Variants in GALNTL6 observed in about 807,000 individuals in gnomAD.
GALNTL6 encodes polypeptide N-acetylgalactosaminyltransferase like 6.
Under a neutral mutation model 73.7 loss-of-function variants are expected in GALNTL6, and 46 were observed. The observed-to-expected ratio is 0.62, with a 90% CI of 0.49 to 0.80. GALNTL6 has a LOEUF of 0.80. Among genes scored for constraint, GALNTL6 ranks in the 30% least tolerant of loss-of-function variants. GALNTL6 has a pLI of 0.00. For synonymous variants in GALNTL6, 259 were observed against 263.7 expected, an observed-to-expected ratio of 0.98 and a Z score of 0.17; for missense variants, 604 against 755.0, an observed-to-expected ratio of 0.80 and a Z score of 2.34.
chr4:172,346,222 TA>T (rs1260822723), intron 4 of GALNTL6, among the ~76,000 whole-genome samples: 1 of 152,222 alleles, frequency 6.6e-6, no homozygotes, highest in Non-Finnish European at 1.5e-5. Flanking sequence ...GATAGACATA[TA>T]AATTGACAGA....
chr4:172,756,791 A>G (rs924026224), intron 5 of GALNTL6, among the ~76,000 whole-genome samples: 2 of 152,220 alleles, frequency 1.3e-5, no homozygotes, highest in Non-Finnish European at 2.9e-5. Flanking sequence ...GAACTAAAAT[A>G]TAAGGTTGAC....
intron 2 of GALNTL6, among the ~76,000 whole-genome samples, chr4:171,850,644 C>T (rs1445423124): frequency 1.3e-5 from 2 of 152,100 alleles, no homozygotes; most frequent in African/African-American, 2.4e-5. Flanking sequence ...CATTTCATTA[C>T]GACAAAGAGT....
At chr4:172,790,711 T>C (rs972859720) in intron 5 of GALNTL6, among the ~76,000 whole-genome samples, 10 of 151,864 alleles carry the variant, frequency 6.6e-5, no homozygotes, top group Admixed American at 6.6e-4. Context: ...GCCAACATGG[T>C]GAAACTGCGT....
intron 2 of GALNTL6, among the ~76,000 whole-genome samples, chr4:172,193,438 A>G (rs1191432475): frequency 1.3e-5 from 2 of 152,140 alleles, no homozygotes; most frequent in Admixed American, 6.6e-5. Context: ...CTGGCAAAGA[A>G]GGGCCTTACT....
chr4:172,089,191 T>C (rs1322756871), intron 2 of GALNTL6, among the ~76,000 whole-genome samples: 1 of 152,070 alleles, frequency 6.6e-6, no homozygotes, highest in Non-Finnish European at 1.5e-5. Context: ...CTATATATGA[T>C]GCAGGCAAAC....
At chr4:172,919,593 C>T (rs979234711) in intron 8 of GALNTL6, among the ~76,000 whole-genome samples, 1 of 152,162 alleles carries the variant, frequency 6.6e-6, no homozygotes, top group Non-Finnish European at 1.5e-5. Context: ...AGGTTCTGTT[C>T]CACTACAGAA....
chr4:172,950,417 A>G (rs1004300675), intron 9 of GALNTL6, among the ~76,000 whole-genome samples: 2 of 152,204 alleles, frequency 1.3e-5, no homozygotes, highest in African/African-American at 2.4e-5. Context: ...CTGAGAAATC[A>G]GAGCTTTCTT....
chr4:172,607,608 G>T (rs1738358001), intron 5 of GALNTL6, among the ~76,000 whole-genome samples: 1 of 152,230 alleles, frequency 6.6e-6, no homozygotes, highest in African/African-American at 2.4e-5. Flanking sequence ...TCCTTTGGGT[G>T]TATAGCCAAT....
chr4:172,952,413 T>A (rs1379984042), intron 10 of GALNTL6, among the ~76,000 whole-genome samples, 155 bp downstream of exon 10: 1 of 152,200 alleles, frequency 6.6e-6, no homozygotes, highest in Non-Finnish European at 1.5e-5. Context: ...ATGTTCAACC[T>A]CTTTTTAGCA....
chr4:172,086,529 T>G (rs1471110177), intron 2 of GALNTL6, among the ~76,000 whole-genome samples: 2 of 152,112 alleles, frequency 1.3e-5, no homozygotes, highest in African/African-American at 4.8e-5. Flanking sequence ...CTATAAACTT[T>G]ATTCCTAACT....
intron 5 of GALNTL6, among the ~76,000 whole-genome samples, chr4:172,672,438 A>G (rs973471405): frequency 3.9e-5 from 6 of 152,194 alleles, no homozygotes; most frequent in Non-Finnish European, 8.8e-5. Flanking sequence ...GGATTTTTGC[A>G]TTGATGTTCA....
chr4:171,862,793 T>G (rs1735869058), intron 2 of GALNTL6, among the ~76,000 whole-genome samples: 1 of 152,136 alleles, frequency 6.6e-6, no homozygotes, highest in Non-Finnish European at 1.5e-5. Flanking sequence ...TGATCAAATA[T>G]AATAACCTAA....
rs150407701 is a variant in GALNTL6 at position 172,128,584 on chromosome 4, GAGTAA to G, written c.139-101066_139-101062del. The stretch of plus-strand genomic sequence containing the variant: ...AATGAAGGTTGTGGACCATAATTTT[GAGTAA>G]AGTAATTTGGTTTAAAACAATTATT... On this transcript the variant is annotated intron_variant, in intron 2 of 12. Transcript: ENST00000506823. Among the ~76,000 whole-genome samples, 1,323 of 152,252 alleles carry G rather than the reference GAGTAA, an allele frequency of 8.7e-3. 21 individuals are homozygous for G. The highest frequency in any genetic ancestry group is 0.03 in the African/African-American group (1,252 of 41,544).
intron 2 of GALNTL6, among the ~76,000 whole-genome samples, chr4:171,826,343 A>G (rs1286457599): frequency 6.6e-6 from 1 of 152,150 alleles, no homozygotes; most frequent in Non-Finnish European, 1.5e-5. Flanking sequence ...TCCTGTTACT[A>G]TGGAAAAACA....
intron 7 of GALNTL6, among the ~76,000 whole-genome samples, chr4:172,840,776 C>T (rs114097696): frequency 6.2e-4 from 94 of 152,206 alleles, no homozygotes; most frequent in African/African-American, 2.1e-3. Flanking sequence ...TATGTGCTAT[C>T]GAGACTGTCC....
intron 5 of GALNTL6, among the ~76,000 whole-genome samples, chr4:172,765,551 T>G (rs990586442): frequency 7.9e-6 from 1 of 126,222 alleles, no homozygotes; most frequent in African/African-American, 3.3e-5. Flanking sequence ...CTCTGAGTAG[T>G]CATTTGTTCA....
At chr4:172,394,788 T>C (rs2111310403) in intron 5 of GALNTL6, among the ~76,000 whole-genome samples, 1 of 152,244 alleles carries the variant, frequency 6.6e-6, no homozygotes. Context: ...TCTTCTAGCA[T>C]GCTGACACCC....
chr4:172,978,255 G>GAGGCTTCTT (rs1323061855), intron 10 of GALNTL6, among the ~76,000 whole-genome samples: 1 of 152,162 alleles, frequency 6.6e-6, no homozygotes, highest in Non-Finnish European at 1.5e-5. Flanking sequence ...TGTGAATGCT[G>GAGGCTTCTT]AGGCTTCTTG....
chr4:172,849,517 T>G (rs907698387), intron 7 of GALNTL6, among the ~76,000 whole-genome samples: 1 of 152,128 alleles, frequency 6.6e-6, no homozygotes, highest in Non-Finnish European at 1.5e-5. Context: ...GGAGAGTAGA[T>G]GGATGAATGA....
Sources: allele counts gnomAD v4.1 joint callset (sites outside exome capture counted in the v4.1 genomes callset), GRCh38; gene constraint gnomAD v4.1.1; transcripts MANE v1.5; gene names NCBI Gene and HGNC (gene_info 2026-07-23, HGNC 2026-07-21).